KCNAB1: variants seen among roughly 807,000 people sequenced by gnomAD.
The protein encoded by KCNAB1 is voltage-gated potassium channel subunit beta-1.
A neutral mutation model predicts 64.6 loss-of-function variants in KCNAB1; 35 were observed. That is an observed-to-expected ratio of 0.54 (90% CI 0.41 to 0.72). The LOEUF (loss-of-function observed/expected upper bound fraction) is 0.72, where lower values mean the gene tolerates loss of function less well. Among genes scored for constraint, KCNAB1 ranks in the 30% least tolerant of loss-of-function variants. The pLI, the probability that KCNAB1 is intolerant of heterozygous loss-of-function variation, is 0.00. For synonymous variants in KCNAB1, 177 were observed against 183.8 expected (o/e 0.96, Z 0.30); for missense variants, 401 against 512.9 (o/e 0.78, Z 2.11).
At chr3:156,208,531 A>G (rs1283474485) in intron 1 of KCNAB1, among the ~76,000 whole-genome samples, 1 of 152,198 alleles carries the variant, frequency 6.6e-6, no homozygotes. Context: ...AGTCACTAAC[A>G]GACTTGGCTA....
At chr3:156,211,733 G>T (rs933083451) in intron 1 of KCNAB1, among the ~76,000 whole-genome samples, 1 of 152,168 alleles carries the variant, frequency 6.6e-6, no homozygotes, top group African/African-American at 2.4e-5. Context: ...ATAATTCTGT[G>T]GTGATTACTC....
At chr3:156,469,244 CTTTCTTTTTT>C (rs1312994735) in intron 7 of KCNAB1, among the ~76,000 whole-genome samples, 6 of 124,628 alleles carry the variant, frequency 4.8e-5, no homozygotes, top group African/African-American at 1.8e-4. Context: ...TTCTTTCTTT[CTTTCTTTTTT>C]TTTTTTTTTT....
intron 1 of KCNAB1, among the ~76,000 whole-genome samples, chr3:156,186,489 C>T (rs1713197965): frequency 6.6e-6 from 1 of 152,194 alleles, no homozygotes; most frequent in African/African-American, 2.4e-5. Context: ...ATTCCTTGTT[C>T]CTGCCTTCTG....
chr3:156,419,519 A>G (rs1006788035), intron 1 of KCNAB1, among the ~76,000 whole-genome samples: 3 of 150,512 alleles, frequency 2.0e-5, no homozygotes, highest in African/African-American at 7.5e-5. Context: ...AGAAAAAAAA[A>G]AAAAAAGAAA....
chr3:156,198,912 G>GTTTTTTTTTTTTT (rs1714138392), intron 1 of KCNAB1, among the ~76,000 whole-genome samples: 3 of 38,960 alleles, frequency 7.7e-5, no homozygotes, highest in African/African-American at 2.5e-4. Flanking sequence ...TTTATATTTT[G>GTTTTTTTTTTTTT]ATTTTTTTTT....
intron 1 of KCNAB1, among the ~76,000 whole-genome samples, chr3:156,270,848 T>C (rs549611126): frequency 4.5e-4 from 69 of 152,344 alleles, no homozygotes; most frequent in African/African-American, 1.4e-3. Flanking sequence ...AAAATTCCTT[T>C]TAGCATTTCT....
Position 156,199,963 on chromosome 3 carries a change from A to G in KCNAB1, c.275+79077A>G, listed in dbSNP as rs919766590. Among the ~76,000 whole-genome samples the G allele has an allele frequency of 3.3e-5, 5 of 152,112 alleles. No individual in the cohort carries two copies. In the South Asian group the frequency reaches 8.3e-4, roughly 25 times the overall value. On this transcript the variant is annotated intron_variant, in intron 1 of 13. Coordinates refer to ENST00000490337, the MANE Select transcript of KCNAB1 (RefSeq NM_172160.3). ...TTTCCTCAACTTCCTGGATTTATCT[A>G]CCTTTGATCTTTGATGCTGATGGCC...
intron 8 of KCNAB1, among the ~76,000 whole-genome samples, chr3:156,509,854 A>T (rs6772323): frequency 6.6e-6 from 1 of 151,996 alleles, no homozygotes; most frequent in East Asian, 1.9e-4. Context: ...TGCACTTAAC[A>T]GTATCTAGAA....
At chr3:156,337,383 TC>T (rs1296389394) in intron 1 of KCNAB1, among the ~76,000 whole-genome samples, 1 of 152,128 alleles carries the variant, frequency 6.6e-6, no homozygotes, top group Non-Finnish European at 1.5e-5. Flanking sequence ...TGTTCTTTTT[TC>T]CCCCCACTGT....
intron 1 of KCNAB1, among the ~76,000 whole-genome samples, chr3:156,284,826 C>T (rs931826654): frequency 2.0e-5 from 3 of 152,214 alleles, no homozygotes; most frequent in African/African-American, 2.4e-5. Flanking sequence ...TGCTTCGGCT[C>T]GCGCACGATG....
At chr3:156,364,236 C>G (rs1320346721) in intron 1 of KCNAB1, among the ~76,000 whole-genome samples, 2 of 152,174 alleles carry the variant, frequency 1.3e-5, no homozygotes, top group Admixed American at 6.5e-5. Flanking sequence ...GACCTTTACT[C>G]TCTCAGAGCA....
Position 156,537,319 on chromosome 3 carries a change from T to C in KCNAB1, c.*572T>C. 1 of 335,848 alleles carries C rather than the reference T, an allele frequency of 3.0e-6. No individual in the cohort carries two copies. Among genetic ancestry groups the C allele is most frequent in the South Asian group, 1.5e-4 (1 of 6,506 alleles). 20.8% of individuals were successfully genotyped at this position (335,848 alleles called of 1,614,324 possible). A position where few individuals can be genotyped will look rare whatever the true frequency, so the allele number is the denominator to read the frequency against. ...GAAATAATTTTATATATTTTTTTTC[T>C]ATTTTCACATTCATACTAACAAGTT... On this transcript the variant is annotated 3_prime_UTR_variant, in exon 14 of 14. Transcript: ENST00000490337.
intron 13 of KCNAB1, among the ~76,000 whole-genome samples, chr3:156,534,097 C>G (rs1357838107): frequency 6.6e-6 from 1 of 152,204 alleles, no homozygotes; most frequent in African/African-American, 2.4e-5. Context: ...TCACCTCCCC[C>G]ATACCCAGCA....
At chr3:156,303,196 C>T (rs1438078167) in intron 1 of KCNAB1, among the ~76,000 whole-genome samples, 1 of 152,200 alleles carries the variant, frequency 6.6e-6, no homozygotes, top group African/African-American at 2.4e-5. Flanking sequence ...AGACCTACAG[C>T]TCTCTTATCA....
At chr3:156,525,128 T>C (rs1718224148) in intron 12 of KCNAB1, among the ~76,000 whole-genome samples, 1 of 152,198 alleles carries the variant, frequency 6.6e-6, no homozygotes, top group African/African-American at 2.4e-5. Context: ...ATCTTTACTT[T>C]AGAGTGTTAC....
intron 1 of KCNAB1, among the ~76,000 whole-genome samples, chr3:156,196,403 T>G (rs2108369499): frequency 6.6e-6 from 1 of 152,224 alleles, no homozygotes; most frequent in South Asian, 2.1e-4. Context: ...TTTGGGCAGT[T>G]TGGCCGTTTT....
intron 1 of KCNAB1, among the ~76,000 whole-genome samples, chr3:156,413,290 G>A (rs1002759679): frequency 1.3e-5 from 2 of 152,178 alleles, no homozygotes; most frequent in African/African-American, 4.8e-5. Flanking sequence ...CAATGTTTAC[G>A]ATGTTCCTCC....
intron 2 of KCNAB1, among the ~76,000 whole-genome samples, chr3:156,447,687 C>T (rs573897714): frequency 6.6e-6 from 1 of 152,190 alleles, no homozygotes; most frequent in East Asian, 1.9e-4. Context: ...CAGGGAAAGA[C>T]TGAGGAAGTG....
intron 1 of KCNAB1, among the ~76,000 whole-genome samples, chr3:156,339,550 C>A (rs924376097): frequency 2.0e-5 from 3 of 152,176 alleles, no homozygotes; most frequent in Non-Finnish European, 4.4e-5. Context: ...GGCTCCAGTG[C>A]CTTTATTATT....
Sources: gnomAD v4.1 joint callset for allele counts (sites outside exome capture counted in the v4.1 genomes callset) on GRCh38, gnomAD v4.1.1 for gene constraint, MANE v1.5 for transcripts, NCBI Gene and HGNC (gene_info 2026-07-23, HGNC 2026-07-21) for gene names.